The following CRACD variants were observed in gnomAD, a reference collection of about 807,000 sequenced individuals.
CRACD encodes the protein capping protein-inhibiting regulator of actin dynamics.
A neutral mutation model predicts 106.8 loss-of-function variants in CRACD; 56 were observed. The ratio of observed to expected loss-of-function variants is 0.52; its 90% CI spans 0.42 to 0.66. CRACD has a LOEUF of 0.66. Among genes scored for constraint, CRACD ranks in the 30% least tolerant of loss-of-function variants. The pLI is 0.00. For missense variants in CRACD, 1,730 were observed against 1,623.2 expected (o/e 1.07, Z -1.13); for synonymous variants, 754 against 670.8 (o/e 1.12, Z -1.92).
At chr4:56,057,790 ATTTTTTGTATTTTTTTT>A in intron 1 of CRACD, among the ~76,000 whole-genome samples, 1 of 78,388 alleles carries the variant, frequency 1.3e-5, no homozygotes, top group Middle Eastern at 7.9e-3. Context: ...CACCTGGCTC[ATTTTTTGTATTTTTTTT>A]TTTTTTGTTT....
intron 1 of CRACD, among the ~76,000 whole-genome samples, chr4:56,166,952 G>T (rs1202011896): frequency 1.3e-5 from 2 of 152,142 alleles, no homozygotes; most frequent in Non-Finnish European, 2.9e-5. Context: ...ATGGGACAGT[G>T]CTCTGAAATC....
At chr4:56,069,845 G>C (rs1732577886) in intron 1 of CRACD, among the ~76,000 whole-genome samples, 1 of 152,200 alleles carries the variant, frequency 6.6e-6, no homozygotes, top group Non-Finnish European at 1.5e-5. Context: ...ATCAATTAGA[G>C]AGATGGACTC....
intron 2 of CRACD, among the ~76,000 whole-genome samples, chr4:56,206,324 TG>T (rs1374632230): frequency 6.6e-6 from 1 of 152,208 alleles, no homozygotes; most frequent in Non-Finnish European, 1.5e-5. Context: ...TGGTCCAAAA[TG>T]GCTTGCCACT....
At chr4:56,309,016 C>T in intron 5 of CRACD, 17 of 572,516 alleles carry the variant, frequency 3.0e-5, no homozygotes, top group South Asian at 1.8e-4. Context: ...GAGGGTGTAA[C>T]AAACAACAAA....
intron 2 of CRACD, among the ~76,000 whole-genome samples, chr4:56,181,350 G>C (rs1736812602): frequency 6.6e-6 from 1 of 152,198 alleles, no homozygotes; most frequent in Non-Finnish European, 1.5e-5. Flanking sequence ...CCACAGCCAG[G>C]AGCCAGTCAG....
intron 2 of CRACD, among the ~76,000 whole-genome samples, chr4:56,269,449 G>C (rs1039144678): frequency 6.6e-6 from 1 of 152,026 alleles, no homozygotes; most frequent in African/African-American, 2.4e-5. Context: ...CATGGCGCCA[G>C]CATCTGTTTG....
At chr4:56,104,179 T>A (rs931934581) in intron 1 of CRACD, among the ~76,000 whole-genome samples, 1 of 152,118 alleles carries the variant, frequency 6.6e-6, no homozygotes, top group East Asian at 1.9e-4. Context: ...GGAGCATCGC[T>A]TGGGCCCAGG....
At chr4:56,242,423 G>C (rs1740417707) in intron 2 of CRACD, among the ~76,000 whole-genome samples, 2 of 152,038 alleles carry the variant, frequency 1.3e-5, no homozygotes, top group African/African-American at 4.8e-5. Flanking sequence ...ACTTCCTTCT[G>C]CTCTTCCAAA....
intron 4 of CRACD, chr4:56,301,304 C>T: frequency 8.6e-7 from 1 of 1,168,162 alleles, no homozygotes; most frequent in South Asian, 1.3e-5. Context: ...TTGCATTTTT[C>T]CATGACAACG....
chr4:56,072,596 C>T (rs1461375870), intron 1 of CRACD, among the ~76,000 whole-genome samples: 3 of 150,674 alleles, frequency 2.0e-5, no homozygotes, highest in African/African-American at 2.4e-5. Flanking sequence ...CATTTTCTTT[C>T]TTTCTTTCTT....
At chr4:56,100,213 A>T (rs1022153947) in intron 1 of CRACD, among the ~76,000 whole-genome samples, 2 of 152,148 alleles carry the variant, frequency 1.3e-5, no homozygotes. Flanking sequence ...AATGCACTCC[A>T]GCCTTGGCGA....
In CRACD at chr4:56,329,406, T is replaced by C. The variant is rs1297069552; in HGVS notation, c.*1602T>C. On this transcript the variant is annotated 3_prime_UTR_variant, in exon 11 of 11. Coordinates refer to ENST00000682029, the MANE Select transcript of CRACD (RefSeq NM_001393381.1). ...TATGCAATGTGCTGTTATTCTACCA[T>C]GTACCTTAAATAAAGGATGATGGCA... Among the ~76,000 whole-genome samples the C allele has an allele frequency of 6.6e-6, 1 of 152,248 alleles. No homozygotes were observed. Among genetic ancestry groups the C allele is most frequent in the African/African-American group, 2.4e-5 (1 of 41,470 alleles).
At chr4:56,198,792 G>A (rs140580949) in intron 2 of CRACD, among the ~76,000 whole-genome samples, 167 of 152,120 alleles carry the variant, frequency 1.1e-3, no homozygotes, top group African/African-American at 3.7e-3. Flanking sequence ...GAAAATAAAC[G>A]GTGTAGAAAA....
intron 2 of CRACD, among the ~76,000 whole-genome samples, chr4:56,242,076 A>G (rs1170014016): frequency 1.3e-5 from 2 of 152,212 alleles, no homozygotes; most frequent in African/African-American, 4.8e-5. Context: ...TACCTCTGTC[A>G]CTGCTAGTTT....
chr4:56,180,116 G>A (rs1188815247), intron 2 of CRACD, among the ~76,000 whole-genome samples: 2 of 152,150 alleles, frequency 1.3e-5, no homozygotes, highest in East Asian at 3.9e-4. Context: ...GAGCCATAGA[G>A]CTTGGTCCTG....
intron 1 of CRACD, among the ~76,000 whole-genome samples, chr4:56,074,985 C>T (rs898988465): frequency 2.0e-5 from 3 of 152,146 alleles, no homozygotes; most frequent in Admixed American, 6.5e-5. Context: ...TAATGGATTA[C>T]ATTTATTGAT....
intron 2 of CRACD, among the ~76,000 whole-genome samples, chr4:56,267,160 G>A (rs1054682827): frequency 6.7e-6 from 1 of 149,942 alleles, no homozygotes; most frequent in East Asian, 2.0e-4. Context: ...TCGCACTGTC[G>A]CTCGGGCTGG....
At chr4:56,198,193 A>G (rs1737711155) in intron 2 of CRACD, among the ~76,000 whole-genome samples, 1 of 152,236 alleles carries the variant, frequency 6.6e-6, no homozygotes, top group African/African-American at 2.4e-5. Context: ...TTCAGAAATC[A>G]AAAACGTACA....
intron 1 of CRACD, among the ~76,000 whole-genome samples, chr4:56,081,828 T>G (rs1733042288): frequency 6.6e-6 from 1 of 152,004 alleles, no homozygotes; most frequent in Non-Finnish European, 1.5e-5. Context: ...ATACAAAAAT[T>G]AGCCAGATGT....
Sources: allele counts gnomAD v4.1 joint callset (sites outside exome capture counted in the v4.1 genomes callset), GRCh38; gene constraint gnomAD v4.1.1; transcripts MANE v1.5; gene names NCBI Gene and HGNC (gene_info 2026-07-23, HGNC 2026-07-21).